The following SMC4 variants were observed in gnomAD, a reference collection of about 807,000 sequenced individuals.
SMC4 encodes the protein structural maintenance of chromosomes 4.
SMC4 carries 87 observed loss-of-function variants against 145.6 expected under a neutral mutation model. The observed-to-expected ratio is 0.60, with a 90% CI of 0.50 to 0.71. SMC4 has a LOEUF of 0.71. Among genes scored for constraint, SMC4 ranks in the 30% least tolerant of loss-of-function variants. SMC4 has a pLI of 0.00. For missense variants in SMC4, 1,447 were observed against 1,537.1 expected, an observed-to-expected ratio of 0.94 and a Z score of 0.98; for synonymous variants, 558 against 500.7, an observed-to-expected ratio of 1.11 and a Z score of -1.53.
At chr3:160,403,622 T>C (rs1225446472) in intron 4 of SMC4, among the ~76,000 whole-genome samples, 1 of 152,144 alleles carries the variant, frequency 6.6e-6, no homozygotes, top group Admixed American at 6.5e-5. Context: ...TGGTTTCTTT[T>C]GTGCTTTCTA....
At position 160,428,764 on chromosome 3, in the gene SMC4, G is replaced by A. The variant is rs1161128880; in HGVS notation, c.2617G>A (p.Val873Met). 3.2e-6 allele frequency: 5 copies of A among 1,583,742 alleles called. No homozygotes were observed. The highest frequency in any genetic ancestry group is 2.8e-5 in the African/African-American group (2 of 72,544). The change falls in exon 18 of 24, where the codon GTG (valine) becomes ATG (methionine). Residue 873 changes from valine (V) to methionine (M), a missense_variant. By Grantham distance (21) the Val-to-Met change is conservative. Coordinates refer to ENST00000357388, the MANE Select transcript of SMC4 (RefSeq NM_001002800.3). ...TTTTTTAATTTCAGAATATGATGCT[G>A]TGGCTGAGAAAGCTGGTAAAGTAGA... is the stretch of plus-strand genomic sequence containing the variant. ...VSAFKTEYDAVAEKAGKVEAE... is the reference protein window; with the variant it reads ...VSAFKTEYDAMAEKAGKVEAE...
rs957422034 is a variant in SMC4 at position 160,431,680 on chromosome 3, C to T, written c.3152C>T (p.Pro1051Leu). Residue 1051 changes from proline (P) to leucine (L), a missense_variant, in exon 21 of 24, where the codon CCT (proline) becomes CTT (leucine). Transcript: ENST00000357388. ...KISLHPIEDN[P>L]IEEISVLSPE... is the part of the protein sequence containing the mutation. ...TCACTGCATCCTATAGAAGATAATC[C>T]TATTGAAGAGATTTCGGTTCTAAGC... 2.5e-6 allele frequency: 4 copies of T among 1,608,520 alleles called. No homozygotes were observed. Among genetic ancestry groups the T allele is most frequent in the Non-Finnish European group, 3.4e-6 (4 of 1,178,758 alleles).
intron 20 of SMC4, 98 bp from the exon 21 acceptor site, chr3:160,431,545 T>A: frequency 3.2e-6 from 3 of 940,722 alleles, no homozygotes; most frequent in Non-Finnish European, 4.8e-6. Flanking sequence ...CAACTCCTGT[T>A]GTTTTCATAG....
intron 23 of SMC4, 46 bp from the exon 24 acceptor site, chr3:160,433,611 T>G: frequency 1.7e-6 from 2 of 1,200,046 alleles, no homozygotes; most frequent in Non-Finnish European, 1.2e-6. Flanking sequence ...TTTGTGTGAT[T>G]TACCTGTTAT....
Position 160,426,184 on chromosome 3 carries a change from T to A in SMC4, c.2589T>A (p.Val863=), listed in dbSNP as rs1321884655. 6.2e-7 allele frequency: 1 copy of A among 1,608,186 alleles called. No homozygotes were observed. Among genetic ancestry groups the A allele is most frequent in the Admixed American group, 1.7e-5 (1 of 58,866 alleles). The change falls in exon 17 of 24, where the codon GTT becomes GTA. Residue 863 remains valine (V), a synonymous_variant. Coordinates refer to ENST00000357388, the MANE Select transcript of SMC4 (RefSeq NM_001002800.3). ...KKKQKLLEEN[V]SAFKTEYDAV... is the part of the protein sequence containing the mutation. ...AGCAGAAATTGCTAGAAGAAAACGT[T>A]AGTGCTTTCAAAACAGGTATGTTTA...
Position 160,423,817 on chromosome 3 carries a change from G to C in SMC4, c.2302G>C (p.Val768Leu), listed in dbSNP as rs773319063. The change falls in exon 15 of 24, where the codon GTT becomes CTT. Residue 768 changes from valine to leucine, a missense_variant. Val to Leu is a conservative substitution (Grantham distance 32, BLOSUM62 1). Coordinates refer to ENST00000357388, the MANE Select transcript of SMC4 (RefSeq NM_001002800.3). The part of the protein sequence containing the change: ...VMKGRMGSSL[V>L]IEISEEEVNK... Reference sequence around the variant, plus strand: ...GAAAGGAAGAATGGGTTCCTCACTTGTTATTGAAATCTCTGAAGAAGAGGT... The same window carrying C: ...GAAAGGAAGAATGGGTTCCTCACTTCTTATTGAAATCTCTGAAGAAGAGGT... 22 of 1,612,378 alleles carry C rather than the reference G, an allele frequency of 1.4e-5. No homozygotes were observed. Among genetic ancestry groups the C allele is most frequent in the Non-Finnish European group, 1.6e-5 (19 of 1,179,422 alleles).
intron 8 of SMC4, 119 bp downstream of exon 8, chr3:160,413,732 TG>T: frequency 1.6e-6 from 1 of 610,032 alleles, no homozygotes; most frequent in South Asian, 2.7e-5. Context: ...TATCAAGTGG[TG>T]GCCCCCTTAG....
chr3:160,426,342 A>G, intron 17 of SMC4, 142 bp downstream of exon 17: 3 of 686,690 alleles, frequency 4.4e-6, no homozygotes, highest in Non-Finnish European at 7.5e-6. Flanking sequence ...GTTATAAAGT[A>G]AGTGTTATTA....
chr3:160,428,675 A>G lies in SMC4; in HGVS notation c.2606-78A>G. The G allele has an allele frequency of 3.7e-6, 5 of 1,356,232 alleles. No homozygotes were observed. In the South Asian group the frequency reaches 5.5e-5, roughly 15 times the overall value. The allele number at this position is 1,356,232 out of a possible 1,614,324, so 84.0% of individuals were successfully genotyped here. A position where few individuals can be genotyped will look rare whatever the true frequency, so the allele number is the denominator to read the frequency against. The stretch of plus-strand genomic sequence containing the variant: ...TAATGCATCACGTCAAGTCATAGCA[A>G]CTGAAGAAATGTACATCTAACAAAT... On this transcript the variant is annotated intron_variant, in intron 17 of 23. Coordinates refer to ENST00000357388, the MANE Select transcript of SMC4 (RefSeq NM_001002800.3).
At chr3:160,432,549 T>TTA in intron 22 of SMC4, 34 bp downstream of exon 22, 1 of 1,315,734 alleles carries the variant, frequency 7.6e-7, no homozygotes, top group Non-Finnish European at 1.0e-6. Context: ...AATCCCACTG[T>TTA]TACCTTTTTC....
chr3:160,401,674 C>A (rs544933821), intron 2 of SMC4, among the ~76,000 whole-genome samples: 1 of 152,090 alleles, frequency 6.6e-6, no homozygotes, highest in Non-Finnish European at 1.5e-5. Flanking sequence ...ATTTTGTGAC[C>A]GGTGGCATTT....
In SMC4 at chr3:160,404,552, T is replaced by C. The variant is rs76120291; in HGVS notation, c.687+48T>C. On this transcript the variant is annotated intron_variant, in intron 5 of 23. Transcript: ENST00000357388. ...AGATTCTCTTATTCTTGTTACTTTT[T>C]TTTCTATAAAGCTAGGTTGGATGAA... is the stretch of plus-strand genomic sequence containing the variant. 1,334 of 1,582,572 alleles carry C rather than the reference T, an allele frequency of 8.4e-4. 16 individuals are homozygous for C. The African/African-American group carries it at 0.016, about 19-fold the overall frequency.
At chr3:160,407,376 A>G (rs1413282405) in intron 5 of SMC4, among the ~76,000 whole-genome samples, 1 of 152,084 alleles carries the variant, frequency 6.6e-6, no homozygotes, top group Non-Finnish European at 1.5e-5. Context: ...AACATGGTGA[A>G]ACTATGTCTC....
chr3:160,430,125 T>C (rs1317554246), intron 18 of SMC4, among the ~76,000 whole-genome samples: 1 of 152,220 alleles, frequency 6.6e-6, no homozygotes, highest in Admixed American at 6.5e-5. Flanking sequence ...TTTTAACAAA[T>C]TGATTGCATA....
chr3:160,433,448 C>T (rs1560018563), intron 23 of SMC4: 1 of 545,256 alleles, frequency 1.8e-6, no homozygotes, highest in East Asian at 3.0e-5. Context: ...CAGCTAGAAT[C>T]CTAGGTCATC....
At position 160,417,832 on chromosome 3, in the gene SMC4, C is replaced by T; in HGVS notation, c.1547C>T (p.Ala516Val). ...LDIYLSRHNT[A>V]VSQLTKAKEA... ...ATCTATCTCAGTCGTCATAATACTG[C>T]AGTGTCTCAATTAACTAAGGCTAAG... The change falls in exon 11 of 24, where the codon GCA (alanine) becomes GTA (valine). Residue 516 changes from alanine to valine, a missense_variant. Physicochemically the swap from Ala to Val is moderately conservative, Grantham distance 64 (BLOSUM62 0). Transcript: ENST00000357388. The T allele has an allele frequency of 1.9e-6, 3 of 1,613,640 alleles. No individual in the cohort carries two copies. The highest frequency in any genetic ancestry group is 1.3e-5 in the African/African-American group (1 of 74,994).
rs1278492647 is a variant in SMC4 at position 160,414,527 on chromosome 3, A to G, written c.1272+10A>G. Reference sequence around the variant, plus strand: ...AAAAGATAAAGAAAAGGTAGGTGTTAGAAAAAAATTCTTAAAATTTCACGT... The same window carrying G: ...AAAAGATAAAGAAAAGGTAGGTGTTGGAAAAAAATTCTTAAAATTTCACGT... On this transcript the variant is annotated intron_variant, in intron 9 of 23. Coordinates refer to ENST00000357388, the MANE Select transcript of SMC4 (RefSeq NM_001002800.3). 1 of 1,608,324 alleles carries G rather than the reference A, an allele frequency of 6.2e-7. No homozygotes were observed. The highest frequency in any genetic ancestry group is 1.1e-5 in the South Asian group (1 of 90,426).
In SMC4 at chr3:160,406,076, T is replaced by G. The variant is rs1715299743; in HGVS notation, c.687+1572T>G. On this transcript the variant is annotated intron_variant, in intron 5 of 23. Coordinates refer to ENST00000357388, the MANE Select transcript of SMC4 (RefSeq NM_001002800.3). ...GTAATAAAGGAAGCTAATGTAATAT[T>G]GTCCCAACGAAGTAAATAATTTATA... is the stretch of plus-strand genomic sequence containing the variant. Among the ~76,000 whole-genome samples, 4 of 152,132 alleles carry G rather than the reference T, an allele frequency of 2.6e-5. No individual in the cohort carries two copies. The South Asian group carries it at 8.3e-4, about 31-fold the overall frequency.
In SMC4 at chr3:160,402,813, C is replaced by T; in HGVS notation, c.456C>T (p.His152=). 6.2e-7 allele frequency: 1 copy of T among 1,605,698 alleles called. No homozygotes were observed. Among genetic ancestry groups the T allele is most frequent in the Non-Finnish European group, 8.5e-7 (1 of 1,177,926 alleles). The change falls in exon 4 of 24, where the codon CAC becomes CAT. Residue 152 remains histidine, a synonymous_variant. Coordinates refer to ENST00000357388, the MANE Select transcript of SMC4 (RefSeq NM_001002800.3). ...TATTAATACATAATTCTGATGAACACAAGGACATTCAGAGTTGTACAGTAG... is the reference window on the plus strand; with the variant it reads ...TATTAATACATAATTCTGATGAACATAAGGACATTCAGAGTTGTACAGTAG... ...LSVLIHNSDE[H]KDIQSCTVEV... is the part of the protein sequence containing the mutation.
Sources: allele counts gnomAD v4.1 joint callset (sites outside exome capture counted in the v4.1 genomes callset), GRCh38; gene constraint gnomAD v4.1.1; transcripts MANE v1.5; gene names NCBI Gene and HGNC (gene_info 2026-07-23, HGNC 2026-07-21).